CXADR: variants seen among roughly 807,000 people sequenced by gnomAD.
CXADR encodes the protein coxsackievirus and adenovirus receptor.
In CXADR, 20 loss-of-function variants were observed where a neutral mutation model predicts 40.3. The ratio of observed to expected loss-of-function variants is 0.50; its 90% CI spans 0.35 to 0.72. The LOEUF (loss-of-function observed/expected upper bound fraction) is 0.72, where lower values mean the gene tolerates loss of function less well. Ranked by LOEUF, CXADR falls within the 30% of genes least tolerant of loss-of-function variation. The pLI, the probability that CXADR is intolerant of heterozygous loss-of-function variation, is 0.01. For synonymous variants in CXADR, 150 were observed against 161.3 expected (o/e 0.93, Z 0.53); for missense variants, 332 against 449.1 (o/e 0.74, Z 2.36).
At chr21:17,546,997 G>T (rs371683450) in intron 1 of CXADR, 30 bp from the exon 2 acceptor site, 8 of 1,610,592 alleles carry the variant, frequency 5.0e-6, no homozygotes, top group Middle Eastern at 2.2e-4. Flanking sequence ...TATAGCAAAT[G>T]CTTAGTCCCT....
downstream of CXADR, among the ~76,000 whole-genome samples, chr21:17,595,709 C>T (rs1433166760): frequency 2.0e-5 from 3 of 151,798 alleles, no homozygotes; most frequent in Non-Finnish European, 2.9e-5. Context: ...TGATACACAA[C>T]GAACAAAACA....
downstream of CXADR, chr21:17,598,521 C>G (rs889572311): frequency 9.6e-7 from 1 of 1,036,602 alleles, no homozygotes; most frequent in African/African-American, 1.6e-5. Context: ...TCCAGAATCT[C>G]AAGTCAGAAA....
chr21:17,543,113 C>A, intron 1 of CXADR: 1 of 316,388 alleles, frequency 3.2e-6, no homozygotes, highest in Non-Finnish European at 6.3e-6. Context: ...ATTAAAAAAT[C>A]GTTTTAAAAT....
chr21:17,542,977 A>C (rs954962503), intron 1 of CXADR: 2 of 281,316 alleles, frequency 7.1e-6, no homozygotes, highest in African/African-American at 4.6e-5. Flanking sequence ...TGTTGCTAGG[A>C]AACCCAGGAA....
the CXADR span, among the ~76,000 whole-genome samples, chr21:17,628,692 G>T: frequency 6.6e-6 from 1 of 152,076 alleles, no homozygotes; most frequent in African/African-American, 2.4e-5. Context: ...TAGTAGAGAT[G>T]GTGTTTCACC....
downstream of CXADR, among the ~76,000 whole-genome samples, chr21:17,595,528 T>A (rs909368949): frequency 6.6e-6 from 1 of 152,024 alleles, no homozygotes; most frequent in Admixed American, 6.6e-5. Context: ...GTATACTGGA[T>A]TGTATCCTGC....
At chr21:17,550,161 C>T (rs1439227486) in intron 2 of CXADR, among the ~76,000 whole-genome samples, 1 of 152,016 alleles carries the variant, frequency 6.6e-6, no homozygotes, top group African/African-American at 2.4e-5. Context: ...TCGAGACCAA[C>T]CAGGCCAATG....
At chr21:17,520,442 A>G (rs1021471484) in intron 1 of CXADR, among the ~76,000 whole-genome samples, 4 of 152,194 alleles carry the variant, frequency 2.6e-5, no homozygotes, top group African/African-American at 9.6e-5. Context: ...CAAGTTTTAC[A>G]TGATGTCACT....
At chr21:17,598,647 C>G in the CXADR span, 15 of 1,614,014 alleles carry the variant, frequency 9.3e-6, no homozygotes, top group South Asian at 1.6e-4. Flanking sequence ...CTGCAGTCAC[C>G]GAACTGGGTT....
the CXADR span, among the ~76,000 whole-genome samples, chr21:17,618,038 A>G: frequency 2.6e-4 from 40 of 152,328 alleles, no homozygotes; most frequent in East Asian, 6.7e-3. Context: ...ATCTTCACTA[A>G]GAGTAGATTT....
chr21:17,632,823 C>T, the CXADR span, among the ~76,000 whole-genome samples: 2 of 151,942 alleles, frequency 1.3e-5, no homozygotes, highest in African/African-American at 4.8e-5. Context: ...GAGCTGAGAT[C>T]GCCACCGCAC....
At chr21:17,629,104 A>G in the CXADR span, among the ~76,000 whole-genome samples, 1 of 152,114 alleles carries the variant, frequency 6.6e-6, no homozygotes, top group African/African-American at 2.4e-5. Context: ...TACTGGGGGT[A>G]AGAGACAAGG....
At chr21:17,609,793 G>A in the CXADR span, among the ~76,000 whole-genome samples, 1 of 152,120 alleles carries the variant, frequency 6.6e-6, no homozygotes, top group African/African-American at 2.4e-5. Flanking sequence ...CAAATACTGT[G>A]TTATACACAC....
At chr21:17,617,215 G>T in the CXADR span, among the ~76,000 whole-genome samples, 14 of 152,248 alleles carry the variant, frequency 9.2e-5, no homozygotes, top group East Asian at 2.7e-3. Flanking sequence ...ACACTCAAGT[G>T]GGCCAGACAC....
the CXADR span, chr21:17,614,244 A>G: frequency 6.6e-6 from 1 of 152,206 alleles, no homozygotes; most frequent in Admixed American, 6.5e-5. Context: ...TTATTTTTAC[A>G]GATAAAGGCC....
At chr21:17,586,415 A>AAT (rs1444838481) in intron 7 of CXADR, among the ~76,000 whole-genome samples, 1 of 146,986 alleles carries the variant, frequency 6.8e-6, no homozygotes, top group Non-Finnish European at 1.5e-5. Context: ...ATATATATAT[A>AAT]ATATATATTA....
At chr21:17,585,584 C>T (rs2061389275) in intron 7 of CXADR, among the ~76,000 whole-genome samples, 1 of 152,126 alleles carries the variant, frequency 6.6e-6, no homozygotes, top group Non-Finnish European at 1.5e-5. Context: ...GTGGCGCCAT[C>T]TCGGCTCACT....
chr21:17,626,268 TA>T, the CXADR span, among the ~76,000 whole-genome samples: 1 of 152,220 alleles, frequency 6.6e-6, no homozygotes, highest in South Asian at 2.1e-4. Context: ...ACAGGTTTTT[TA>T]AAAAAATAAT....
At chr21:17,514,716 C>T (rs2123085159) in intron 1 of CXADR, among the ~76,000 whole-genome samples, 1 of 151,824 alleles carries the variant, frequency 6.6e-6, no homozygotes, top group East Asian at 1.9e-4. Context: ...TCACCACAAC[C>T]TCCGCCCCCC....
Sources: allele counts gnomAD v4.1 joint callset (sites outside exome capture counted in the v4.1 genomes callset), GRCh38; gene constraint gnomAD v4.1.1; transcripts MANE v1.5; gene names NCBI Gene and HGNC (gene_info 2026-07-23, HGNC 2026-07-21).